NEO1: variants seen among roughly 807,000 people sequenced by gnomAD.
NEO1 encodes neogenin 1, also known as neogenin.
NEO1 carries 63 observed loss-of-function variants against 159.7 expected under a neutral mutation model. The ratio of observed to expected loss-of-function variants is 0.39; its 90% confidence interval spans 0.32 to 0.49. The LOEUF is 0.49. Ranked by LOEUF, NEO1 falls within the 20% of genes least tolerant of loss-of-function variation. The probability of loss-of-function intolerance (pLI) is 0.85; values close to 1 mark genes in which losing one functional copy is unlikely to be tolerated. For synonymous variants in NEO1, 633 were observed against 662.0 expected (o/e 0.96, Z 0.67); for missense variants, 1,615 against 1,831.0 (o/e 0.88, Z 2.15).
intron 1 of NEO1, among the ~76,000 whole-genome samples, chr15:73,114,081 A>G (rs191859555): frequency 6.6e-6 from 1 of 152,320 alleles, no homozygotes; most frequent in East Asian, 1.9e-4. Flanking sequence ...CGCATACACC[A>G]TGCTTGCTTA....
intron 1 of NEO1, among the ~76,000 whole-genome samples, chr15:73,085,913 A>G (rs2069330445): frequency 6.6e-6 from 1 of 152,076 alleles, no homozygotes; most frequent in Non-Finnish European, 1.5e-5. Flanking sequence ...TTATACTTTC[A>G]ATGTCTTTCA....
At position 73,122,779 on chromosome 15, in the gene NEO1, G is replaced by A. The variant is rs780584881; in HGVS notation, c.703G>A (p.Val235Ile). ...SGGPPKYSDE[V>I]ELKVLPDPEV... ...TGGGCCACCAAAGTATAGTGATGAA[G>A]TTGAATTGAAGGTTCTTCCAGGTAT... The change falls in exon 3 of 29, where the codon GTT (valine) becomes ATT (isoleucine). Residue 235 changes from valine to isoleucine, a missense_variant. Around this residue, in one of 3 missense-constraint regions of NEO1, gnomAD observed 1,018 missense variants for 1,115.4 expected, o/e 0.91. Coordinates refer to ENST00000261908, the MANE Select transcript of NEO1 (RefSeq NM_002499.4). The A allele has an allele frequency of 1.3e-5, 21 of 1,614,048 alleles. No homozygotes were observed. The East Asian group carries it at 4.5e-4, about 34-fold the overall frequency.
chr15:73,142,760 G>A (rs2032519973), intron 5 of NEO1, among the ~76,000 whole-genome samples: 1 of 152,194 alleles, frequency 6.6e-6, no homozygotes, highest in South Asian at 2.1e-4. Flanking sequence ...CGTCAGATCT[G>A]CTATGGCTTT....
intron 1 of NEO1, among the ~76,000 whole-genome samples, chr15:73,115,391 G>T (rs1362485147): frequency 6.6e-6 from 1 of 152,140 alleles, no homozygotes; most frequent in Non-Finnish European, 1.5e-5. Context: ...TAATTAGTCT[G>T]ATTAGAATTA....
intron 21 of NEO1, among the ~76,000 whole-genome samples, chr15:73,275,053 C>T (rs2041346238): frequency 6.6e-6 from 1 of 152,016 alleles, no homozygotes; most frequent in African/African-American, 2.4e-5. Context: ...ATGATTAGAC[C>T]GATCATACCA....
At chr15:73,242,036 G>GCAGA (rs1207917034) in intron 8 of NEO1, among the ~76,000 whole-genome samples, 5 of 152,130 alleles carry the variant, frequency 3.3e-5, no homozygotes, top group African/African-American at 1.2e-4. Flanking sequence ...TGAGCATTCT[G>GCAGA]CTACGTGCTT....
intron 1 of NEO1, among the ~76,000 whole-genome samples, chr15:73,055,265 A>T (rs1340362113): frequency 1.3e-5 from 2 of 152,174 alleles, no homozygotes; most frequent in Admixed American, 6.5e-5. Context: ...TTCACCGAGG[A>T]CTCTGTAGCT....
intron 7 of NEO1, among the ~76,000 whole-genome samples, chr15:73,195,456 T>C (rs2036484826): frequency 6.6e-6 from 1 of 152,198 alleles, no homozygotes; most frequent in Admixed American, 6.5e-5. Flanking sequence ...GCAATGAGAA[T>C]ATCTCCCAAT....
intron 1 of NEO1, among the ~76,000 whole-genome samples, chr15:73,060,951 C>T (rs1372871918): frequency 6.6e-6 from 1 of 152,198 alleles, no homozygotes; most frequent in Non-Finnish European, 1.5e-5. Context: ...CTGGCCTAAC[C>T]TGTTTATTAA....
At position 73,156,972 on chromosome 15, in the gene NEO1, C is replaced by T. The variant is rs574461085; in HGVS notation, c.1016-19431C>T. On this transcript the variant is annotated intron_variant, in intron 5 of 28. Coordinates refer to ENST00000261908, the MANE Select transcript of NEO1 (RefSeq NM_002499.4). ...AAGTCTTAACATGGGTATGGAGGGG[C>T]AGTCCCAGCAGCCACAGATGTGGCT... 2.0e-5 allele frequency among the ~76,000 whole-genome samples: 3 copies of T among 152,310 alleles called. No homozygotes were observed. In the South Asian group the frequency reaches 6.2e-4, roughly 32 times the overall value.
chr15:73,120,737 T>A (rs904256954), intron 2 of NEO1, among the ~76,000 whole-genome samples: 3 of 152,012 alleles, frequency 2.0e-5, no homozygotes, highest in Non-Finnish European at 2.9e-5. Context: ...CAGACACCCA[T>A]GAAGTGGTGG....
At chr15:73,224,073 G>A (rs528920218) in intron 7 of NEO1, among the ~76,000 whole-genome samples, 16 of 152,218 alleles carry the variant, frequency 1.1e-4, no homozygotes, top group African/African-American at 3.6e-4. Context: ...TAGTTTCACT[G>A]GATACAAAAT....
intron 12 of NEO1, among the ~76,000 whole-genome samples, 180 bp downstream of exon 12, chr15:73,253,629 AAAG>A (rs1438676511): frequency 6.6e-6 from 1 of 152,220 alleles, no homozygotes; most frequent in African/African-American, 2.4e-5. Flanking sequence ...AATCACAAGC[AAAG>A]AAGTAAAAAG....
At chr15:73,115,733 G>A (rs751306695) in intron 1 of NEO1, among the ~76,000 whole-genome samples, 2 of 152,168 alleles carry the variant, frequency 1.3e-5, no homozygotes, top group Non-Finnish European at 2.9e-5. Flanking sequence ...TTTCCAACAG[G>A]CTGAGAGTAT....
At chr15:73,152,411 A>T (rs1183092882) in intron 5 of NEO1, among the ~76,000 whole-genome samples, 1 of 152,236 alleles carries the variant, frequency 6.6e-6, no homozygotes, top group African/African-American at 2.4e-5. Flanking sequence ...GAGCTTCTGG[A>T]TAGCTGAAAA....
intron 27 of NEO1, among the ~76,000 whole-genome samples, chr15:73,300,947 C>T (rs2042589500): frequency 6.6e-6 from 1 of 152,200 alleles, no homozygotes; most frequent in African/African-American, 2.4e-5. Context: ...TGTGCTAAGG[C>T]TCCAGCAGCT....
At chr15:73,261,236 A>G (rs1443179012) in intron 15 of NEO1, among the ~76,000 whole-genome samples, 1 of 152,006 alleles carries the variant, frequency 6.6e-6, no homozygotes, top group East Asian at 1.9e-4. Flanking sequence ...ACCCTGATTT[A>G]TTTTATGAAA....
At chr15:73,197,794 C>T (rs1453423878) in intron 7 of NEO1, among the ~76,000 whole-genome samples, 1 of 151,326 alleles carries the variant, frequency 6.6e-6, no homozygotes, top group East Asian at 2.0e-4. Flanking sequence ...TATTCTCCTG[C>T]CTCAGCCTCC....
At chr15:73,068,120 T>C (rs1595900668) in intron 1 of NEO1, among the ~76,000 whole-genome samples, 1 of 152,036 alleles carries the variant, frequency 6.6e-6, no homozygotes, top group African/African-American at 2.4e-5. Context: ...CAGATAGCTA[T>C]GAGACAGGGA....
Sources: allele counts gnomAD v4.1 joint callset (sites outside exome capture counted in the v4.1 genomes callset), GRCh38; gene constraint gnomAD v4.1.1; regional missense constraint gnomAD v4.1.1; transcripts MANE v1.5; gene names NCBI Gene and HGNC (gene_info 2026-07-23, HGNC 2026-07-21).